The following KCNMA1 variants were observed in gnomAD, a reference collection of about 807,000 sequenced individuals.
KCNMA1 encodes Calcium-activated potassium channel subunit alpha-1.
In KCNMA1, 29 loss-of-function variants were observed where a neutral mutation model predicts 140.0. That is an observed-to-expected ratio of 0.21 (90% CI 0.15 to 0.28). KCNMA1 has a LOEUF of 0.28. Ranked by LOEUF, KCNMA1 falls within the 10% of genes least tolerant of loss-of-function variation. The probability of loss-of-function intolerance (pLI) is 1.00; values close to 1 mark genes in which losing one functional copy is unlikely to be tolerated. For missense variants in KCNMA1, 880 were observed against 1,602.2 expected (o/e 0.55, Z 7.70); for synonymous variants, 612 against 611.9 (o/e 1.00, Z 0.00).
intron 15 of KCNMA1, among the ~76,000 whole-genome samples, chr10:77,029,130 G>A (rs1297528467): frequency 2.6e-5 from 4 of 152,136 alleles, no homozygotes; most frequent in Non-Finnish European, 4.4e-5. Flanking sequence ...AATACAGTTA[G>A]ATGAACCTAT....
intron 1 of KCNMA1, among the ~76,000 whole-genome samples, chr10:77,579,695 G>A (rs1159206387): frequency 6.6e-6 from 1 of 152,108 alleles, no homozygotes; most frequent in Admixed American, 6.6e-5. Context: ...TCTTCAAGAG[G>A]CCTCTCTGGT....
intron 12 of KCNMA1, among the ~76,000 whole-genome samples, chr10:77,079,961 T>C (rs10762746): frequency 0.2 from 30,384 of 152,216 alleles, 3,273 homozygotes; most frequent in Middle Eastern, 0.28. Context: ...TACCAGGTCC[T>C]TTCCTGAAAG....
At chr10:77,533,613 C>G (rs548748441) in intron 1 of KCNMA1, among the ~76,000 whole-genome samples, 2 of 152,126 alleles carry the variant, frequency 1.3e-5, no homozygotes, top group African/African-American at 2.4e-5. Context: ...GCCCCTCCCC[C>G]ACCTCCATCA....
At chr10:77,420,719 G>A (rs532120518) in intron 1 of KCNMA1, among the ~76,000 whole-genome samples, 1 of 152,166 alleles carries the variant, frequency 6.6e-6, no homozygotes, top group Admixed American at 6.5e-5. Context: ...CACAGACCCA[G>A]TAACCAGGAA....
At chr10:77,369,052 GA>G (rs2094528279) in intron 2 of KCNMA1, among the ~76,000 whole-genome samples, 1 of 152,134 alleles carries the variant, frequency 6.6e-6, no homozygotes, top group Non-Finnish European at 1.5e-5. Flanking sequence ...ATAAATTTTA[GA>G]AATTGGTTTG....
At chr10:77,050,203 G>A (rs954154960) in intron 14 of KCNMA1, among the ~76,000 whole-genome samples, 3 of 151,642 alleles carry the variant, frequency 2.0e-5, no homozygotes, top group African/African-American at 7.3e-5. Flanking sequence ...ACTGAGCCCA[G>A]GGAAGGTGAT....
At chr10:77,480,255 A>G (rs1264462054) in intron 1 of KCNMA1, among the ~76,000 whole-genome samples, 2 of 152,220 alleles carry the variant, frequency 1.3e-5, no homozygotes, top group African/African-American at 4.8e-5. Flanking sequence ...CTACAGGCCA[A>G]TGACAGCATA....
intron 1 of KCNMA1, among the ~76,000 whole-genome samples, chr10:77,476,086 T>A (rs2098271562): frequency 6.6e-6 from 1 of 152,210 alleles, no homozygotes; most frequent in South Asian, 2.1e-4. Flanking sequence ...GGCCGCACGG[T>A]GCTGGCCTCC....
intron 5 of KCNMA1, among the ~76,000 whole-genome samples, chr10:77,125,840 G>A (rs1463651963): frequency 6.6e-6 from 1 of 152,206 alleles, no homozygotes; most frequent in Non-Finnish European, 1.5e-5. Context: ...CGGAGTTAAA[G>A]GTTAGATAAT....
At chr10:77,030,161 C>T (rs61868791) in intron 15 of KCNMA1, among the ~76,000 whole-genome samples, 9,277 of 152,266 alleles carry the variant, frequency 0.061, 388 homozygotes, top group Non-Finnish European at 0.093. Context: ...CCAGGCATAT[C>T]TGGGATCTCC....
chr10:77,469,825 C>A (rs2098113680), intron 1 of KCNMA1, among the ~76,000 whole-genome samples: 1 of 152,150 alleles, frequency 6.6e-6, no homozygotes, highest in Admixed American at 6.5e-5. Flanking sequence ...CGGCTGATGG[C>A]TGGGGGAAAA....
At chr10:77,449,082 G>GAA (rs373023965) in intron 1 of KCNMA1, among the ~76,000 whole-genome samples, 19,182 of 121,352 alleles carry the variant, frequency 0.16, 1,571 homozygotes, top group East Asian at 0.22. Context: ...GCAAGACTCC[G>GAA]AAAAAAAAAA....
chr10:77,101,276 T>C (rs1365539627), intron 9 of KCNMA1, among the ~76,000 whole-genome samples: 1 of 152,172 alleles, frequency 6.6e-6, no homozygotes, highest in Non-Finnish European at 1.5e-5. Context: ...CAGCACCACG[T>C]TTCAGAAGTA....
intron 19 of KCNMA1, among the ~76,000 whole-genome samples, chr10:76,981,305 T>G (rs1479608798): frequency 1.3e-5 from 2 of 151,986 alleles, no homozygotes; most frequent in Non-Finnish European, 2.9e-5. Context: ...CCCAATGAAG[T>G]GCTCAAGTCA....
At chr10:77,571,450 G>A (rs575414592) in intron 1 of KCNMA1, among the ~76,000 whole-genome samples, 1 of 152,288 alleles carries the variant, frequency 6.6e-6, no homozygotes, top group South Asian at 2.1e-4. Flanking sequence ...CACCCAGGCA[G>A]TACAAATTCA....
At chr10:76,954,010 T>C (rs1168055469) in intron 20 of KCNMA1, 86 bp from the exon 21 acceptor site, 9 of 1,418,668 alleles carry the variant, frequency 6.3e-6, no homozygotes, top group Admixed American at 1.8e-5. Flanking sequence ...TCTCAGAGGA[T>C]GTGAAAGATG....
chr10:77,025,242 GTATATATATATATA>G (rs1183311699), intron 16 of KCNMA1, among the ~76,000 whole-genome samples: 798 of 42,808 alleles, frequency 0.019, 47 homozygotes, highest in African/African-American at 0.058. Flanking sequence ...GGGTGTGTGT[GTATATATATATATA>G]TATATATATA....
intron 2 of KCNMA1, among the ~76,000 whole-genome samples, chr10:77,367,953 T>A (rs540339027): frequency 2.0e-5 from 3 of 152,324 alleles, no homozygotes; most frequent in African/African-American, 7.2e-5. Context: ...ATTCACCCAC[T>A]GAGATTCTTC....
chr10:77,052,612 T>G (rs1373685590), intron 14 of KCNMA1, among the ~76,000 whole-genome samples: 1 of 98,232 alleles, frequency 1.0e-5, no homozygotes, highest in East Asian at 2.6e-4. Flanking sequence ...GTCCACAGGA[T>G]GAGTGTGCAA....
Sources: allele counts gnomAD v4.1 joint callset (sites outside exome capture counted in the v4.1 genomes callset), GRCh38; gene constraint gnomAD v4.1.1; transcripts MANE v1.5; gene names NCBI Gene and HGNC (gene_info 2026-07-23, HGNC 2026-07-21).